PTPRD: variants seen among roughly 807,000 people sequenced by gnomAD.
PTPRD encodes protein tyrosine phosphatase receptor type D, also known as receptor-type tyrosine-protein phosphatase delta.
Under a neutral mutation model 214.5 loss-of-function variants are expected in PTPRD, and 34 were observed. That is an observed-to-expected ratio of 0.16 (90% CI 0.12 to 0.21). The LOEUF (loss-of-function observed/expected upper bound fraction) is 0.21. PTPRD is among the 10% of genes least tolerant of loss of function. The pLI is 1.00. For missense variants in PTPRD, 2,545 were observed against 2,398.7 expected (o/e 1.06, Z -1.27); for synonymous variants, 1,128 against 845.7 (o/e 1.33, Z -5.79).
At chr9:8,498,095 T>C (rs552490038) in intron 25 of PTPRD, among the ~76,000 whole-genome samples, 54 of 152,274 alleles carry the variant, frequency 3.5e-4, no homozygotes, top group African/African-American at 1.3e-3. Context: ...GAAGCACTAC[T>C]GCATTTACAG....
intron 9 of PTPRD, among the ~76,000 whole-genome samples, chr9:9,191,658 T>C (rs903603410): frequency 6.6e-6 from 1 of 152,086 alleles, no homozygotes; most frequent in African/African-American, 2.4e-5. Flanking sequence ...TTGAAAGCAA[T>C]GCTGTAACTC....
intron 12 of PTPRD, among the ~76,000 whole-genome samples, chr9:8,721,934 A>T (rs2098503632): frequency 6.6e-6 from 1 of 152,218 alleles, no homozygotes; most frequent in Non-Finnish European, 1.5e-5. Context: ...AGCTTTCACA[A>T]GCAACATCAG....
chr9:8,349,933 GT>G (rs71317358), intron 39 of PTPRD, among the ~76,000 whole-genome samples: 75,487 of 145,016 alleles, frequency 0.52, 20,320 homozygotes, highest in Non-Finnish European at 0.63. Flanking sequence ...AACTTTAGTG[GT>G]TTTTTTTTTT....
rs1027630037 is a variant in PTPRD, at chr9:9,907,817, A to C, written c.-368+30690T>G. On this transcript the variant is annotated intron_variant, in intron 5 of 45. Transcript: ENST00000381196. ...AATCAGAACCCTACTGATTCTTGTAATGAAAATAGTGAATCACTTAACAGT... is the reference window on the plus strand; with the variant it reads ...AATCAGAACCCTACTGATTCTTGTACTGAAAATAGTGAATCACTTAACAGT... Among the ~76,000 whole-genome samples, 5 of 152,052 alleles carry C rather than the reference A, an allele frequency of 3.3e-5. No homozygotes were observed. In the East Asian group the frequency reaches 9.6e-4, roughly 29 times the overall value.
intron 9 of PTPRD, among the ~76,000 whole-genome samples, chr9:9,224,148 G>C (rs1245394786): frequency 6.6e-6 from 1 of 151,972 alleles, no homozygotes; most frequent in African/African-American, 2.4e-5. Flanking sequence ...GAAGTTGAGA[G>C]AGAGACAGGC....
At chr9:8,549,267 G>C (rs910075036) in intron 14 of PTPRD, among the ~76,000 whole-genome samples, 1 of 152,102 alleles carries the variant, frequency 6.6e-6, no homozygotes, top group African/African-American at 2.4e-5. Flanking sequence ...AGGAAAAATG[G>C]GGTAAGAGTC....
intron 14 of PTPRD, among the ~76,000 whole-genome samples, chr9:8,537,675 T>C (rs1445713167): frequency 6.6e-6 from 1 of 151,974 alleles, no homozygotes; most frequent in African/African-American, 2.4e-5. Context: ...ATATTCAGCA[T>C]ACCAACCAGC....
intron 11 of PTPRD, among the ~76,000 whole-genome samples, chr9:8,909,807 A>G (rs2098734543): frequency 6.6e-6 from 1 of 150,626 alleles, no homozygotes; most frequent in Non-Finnish European, 1.5e-5. Context: ...AGAGATAGAG[A>G]CAGAGATAGA....
intron 3 of PTPRD, among the ~76,000 whole-genome samples, chr9:10,177,449 T>TAAA (rs35075915): frequency 7.3e-6 from 1 of 136,866 alleles, no homozygotes; most frequent in Admixed American, 7.4e-5. Context: ...TAAAATGTTG[T>TAAA]AAAAAAAAAA....
At chr9:10,579,227 A>T (rs547458708) in intron 2 of PTPRD, among the ~76,000 whole-genome samples, 2 of 152,240 alleles carry the variant, frequency 1.3e-5, no homozygotes, top group Admixed American at 1.3e-4. Context: ...AAGAACAGAA[A>T]ATCAAACATC....
chr9:8,935,176 A>C (rs946092703), intron 11 of PTPRD, among the ~76,000 whole-genome samples: 1 of 152,174 alleles, frequency 6.6e-6, no homozygotes, highest in Non-Finnish European at 1.5e-5. Context: ...CTCTGTTTGC[A>C]TATGACACCA....
chr9:9,470,426 A>C (rs2094509636), intron 8 of PTPRD, among the ~76,000 whole-genome samples: 1 of 152,196 alleles, frequency 6.6e-6, no homozygotes, highest in African/African-American at 2.4e-5. Flanking sequence ...AATAAATAAT[A>C]TTGTTATTTA....
chr9:10,127,658 C>T (rs549124649), intron 3 of PTPRD, among the ~76,000 whole-genome samples: 1 of 152,110 alleles, frequency 6.6e-6, no homozygotes, highest in South Asian at 2.1e-4. Context: ...TGTTATTATT[C>T]ATCAAATATT....
intron 10 of PTPRD, among the ~76,000 whole-genome samples, chr9:9,025,670 G>C (rs1569455848): frequency 6.6e-6 from 1 of 151,780 alleles, no homozygotes; most frequent in East Asian, 1.9e-4. Flanking sequence ...TTTGGGAGCG[G>C]GTAAGGAAGA....
chr9:9,355,681 G>T (rs1596300324), intron 9 of PTPRD, among the ~76,000 whole-genome samples: 1 of 151,638 alleles, frequency 6.6e-6, no homozygotes, highest in East Asian at 2.0e-4. Flanking sequence ...AGGGCCTGGA[G>T]ATGTAAATTG....
chr9:9,677,903 C>T (rs1343845033), intron 7 of PTPRD, among the ~76,000 whole-genome samples: 13 of 152,102 alleles, frequency 8.5e-5, no homozygotes, highest in African/African-American at 3.1e-4. Context: ...GCAAAAATCA[C>T]AAGCGTTCTT....
At chr9:9,961,775 T>C (rs1281658651) in intron 4 of PTPRD, among the ~76,000 whole-genome samples, 1 of 152,058 alleles carries the variant, frequency 6.6e-6, no homozygotes, top group Non-Finnish European at 1.5e-5. Flanking sequence ...TGATCAATTA[T>C]AAAAATGTAA....
chr9:10,066,028 A>C (rs1813003686), intron 3 of PTPRD, among the ~76,000 whole-genome samples: 1 of 151,958 alleles, frequency 6.6e-6, no homozygotes, highest in Admixed American at 6.6e-5. Context: ...ATTTGATACT[A>C]ATATCTTCTA....
chr9:8,528,893 C>T, intron 14 of PTPRD, 114 bp from the exon 15 acceptor site: 1 of 940,534 alleles, frequency 1.1e-6, no homozygotes. Context: ...GAACCTAACA[C>T]AAACCAGGCA....
Sources: gnomAD v4.1 joint callset for allele counts (sites outside exome capture counted in the v4.1 genomes callset) on GRCh38, gnomAD v4.1.1 for gene constraint, MANE v1.5 for transcripts, NCBI Gene and HGNC (gene_info 2026-07-23, HGNC 2026-07-21) for gene names.